The following NOX4 variants were observed in gnomAD, a reference collection of about 807,000 sequenced individuals.
NOX4 encodes the protein kidney oxidase-1.
NOX4 carries 69 observed loss-of-function variants against 87.6 expected under a neutral mutation model. That is an observed-to-expected ratio of 0.79 (90% CI 0.65 to 0.96). The LOEUF is 0.96. Among genes scored for constraint, NOX4 ranks in the 40% least tolerant of loss-of-function variants. NOX4 has a pLI of 0.00. For synonymous variants in NOX4, 275 were observed against 238.2 expected, an observed-to-expected ratio of 1.15 and a Z score of -1.42; for missense variants, 680 against 681.5, an observed-to-expected ratio of 1.00 and a Z score of 0.02.
intron 11 of NOX4, among the ~76,000 whole-genome samples, chr11:89,383,849 C>T (rs369709091): frequency 1.1e-4 from 16 of 152,230 alleles, no homozygotes; most frequent in Admixed American, 4.6e-4. Flanking sequence ...ACATCCTCCC[C>T]TTGTATCTCT....
chr11:89,409,548 C>T (rs1049611410), intron 8 of NOX4, among the ~76,000 whole-genome samples: 4 of 152,132 alleles, frequency 2.6e-5, no homozygotes, highest in Admixed American at 1.3e-4. Flanking sequence ...GTAAATATCA[C>T]ATGACCTCAA....
At chr11:89,565,111 A>T in the NOX4 span, among the ~76,000 whole-genome samples, 1 of 152,154 alleles carries the variant, frequency 6.6e-6, no homozygotes. Context: ...TACATCTTAA[A>T]ATATTGAGTC....
At chr11:89,538,235 C>T in the NOX4 span, among the ~76,000 whole-genome samples, 1 of 152,278 alleles carries the variant, frequency 6.6e-6, no homozygotes, top group South Asian at 2.1e-4. Flanking sequence ...TCACAGCCTA[C>T]ATGTAGTTGT....
At chr11:89,461,647 A>AAAATAAATAAATAAAT (rs60340385) in intron 2 of NOX4, among the ~76,000 whole-genome samples, 11,005 of 145,606 alleles carry the variant, frequency 0.076, 644 homozygotes, top group African/African-American at 0.15. Context: ...TCCATCTCAA[A>AAAATAAATAAATAAAT]AAATAAATAA....
chr11:89,468,227 T>A (rs771964488), intron 2 of NOX4, among the ~76,000 whole-genome samples: 1 of 152,188 alleles, frequency 6.6e-6, no homozygotes, highest in Non-Finnish European at 1.5e-5. Flanking sequence ...TGTGTCTCTG[T>A]AACTTCCACC....
chr11:89,463,944 G>A lies in NOX4; in HGVS notation c.154-12049C>T, dbSNP rs78089295. 6.0e-3 allele frequency among the ~76,000 whole-genome samples: 917 copies of A among 152,072 alleles called. 9 individuals are homozygous for A. Among genetic ancestry groups the A allele is most frequent in the African/African-American group, 0.021 (884 of 41,550 alleles). ...CTCTTTTGATCTGGCATTTGCATAT[G>A]ATAAGAACATTTTAGCTCAAAGGAT... On this transcript the variant is annotated intron_variant, in intron 2 of 17. Coordinates refer to ENST00000263317, the MANE Select transcript of NOX4 (RefSeq NM_016931.5).
intron 12 of NOX4, among the ~76,000 whole-genome samples, chr11:89,364,525 G>A (rs890971963): frequency 6.6e-6 from 1 of 151,870 alleles, no homozygotes; most frequent in East Asian, 1.9e-4. Flanking sequence ...ATAAAAAACA[G>A]AACTTTATAC....
the NOX4 span, among the ~76,000 whole-genome samples, chr11:89,512,300 C>G: frequency 1.3e-5 from 2 of 152,006 alleles, no homozygotes; most frequent in Admixed American, 1.3e-4. Flanking sequence ...TAGGTCTACT[C>G]TCTTAATAAT....
At chr11:89,584,006 T>C in the NOX4 span, among the ~76,000 whole-genome samples, 4 of 152,154 alleles carry the variant, frequency 2.6e-5, no homozygotes, top group African/African-American at 9.7e-5. Context: ...TTTGAAAAAT[T>C]ACCTGACTTT....
chr11:89,452,910 G>A (rs151066142), intron 2 of NOX4, among the ~76,000 whole-genome samples: 1 of 152,124 alleles, frequency 6.6e-6, no homozygotes, highest in African/African-American at 2.4e-5. Flanking sequence ...CAGGCATGGT[G>A]TAATGCACCC....
intron 2 of NOX4, among the ~76,000 whole-genome samples, chr11:89,478,563 T>C (rs1371135597): frequency 6.6e-6 from 1 of 152,176 alleles, no homozygotes; most frequent in Non-Finnish European, 1.5e-5. Context: ...TAGCAGACAC[T>C]TGATTTTATC....
At chr11:89,537,281 T>C in the NOX4 span, among the ~76,000 whole-genome samples, 1 of 152,288 alleles carries the variant, frequency 6.6e-6, no homozygotes, top group Non-Finnish European at 1.5e-5. Flanking sequence ...CTACTGAGTA[T>C]ATTATTTGAT....
chr11:89,492,819 G>A (rs916047246), upstream of NOX4, among the ~76,000 whole-genome samples: 1 of 152,172 alleles, frequency 6.6e-6, no homozygotes, highest in Non-Finnish European at 1.5e-5. Context: ...TTCAATAGAT[G>A]GGGGCAGGAG....
Position 89,326,117 on chromosome 11 carries a change from T to A in NOX4, c.*639A>T, listed in dbSNP as rs550665477. ...AGAGAGAGGAATAAAAAGAAAAAAA[T>A]ATATAAAAATAGATACTATAACAAC... On this transcript the variant is annotated 3_prime_UTR_variant, in exon 18 of 18. Transcript: ENST00000263317. 2.6e-5 allele frequency: 4 copies of A among 151,460 alleles called. No homozygotes were observed. The highest frequency in any genetic ancestry group is 1.9e-4 in the East Asian group (1 of 5,168). 9.4% of individuals were successfully genotyped at this position (151,460 alleles called of 1,614,324 possible). A position where few individuals can be genotyped will look rare whatever the true frequency, so the allele number is the denominator to read the frequency against.
the NOX4 span, among the ~76,000 whole-genome samples, chr11:89,506,602 T>TA: frequency 1.6e-4 from 24 of 151,776 alleles, no homozygotes; most frequent in Non-Finnish European, 3.1e-4. Context: ...TTAAAGTATA[T>TA]AACTTCTGTT....
chr11:89,363,974 T>C (rs113625244), intron 12 of NOX4, among the ~76,000 whole-genome samples: 10 of 152,170 alleles, frequency 6.6e-5, no homozygotes, highest in African/African-American at 2.4e-4. Context: ...TTATTAAAGA[T>C]ATAGGCAGGC....
chr11:89,449,648 G>A, intron 3 of NOX4, 124 bp from the exon 4 acceptor site: 1 of 635,120 alleles, frequency 1.6e-6, no homozygotes, highest in Non-Finnish European at 2.7e-6. Flanking sequence ...ATCAAAAATT[G>A]GTGAGATGAA....
the NOX4 span, among the ~76,000 whole-genome samples, chr11:89,588,827 C>G: frequency 1.3e-5 from 2 of 152,226 alleles, no homozygotes; most frequent in South Asian, 2.1e-4. Flanking sequence ...AGTGCTGTGG[C>G]TCCTACCCAC....
At chr11:89,538,179 C>T in the NOX4 span, among the ~76,000 whole-genome samples, 1 of 152,198 alleles carries the variant, frequency 6.6e-6, no homozygotes. Flanking sequence ...TTCCATTCAT[C>T]TATGTGCCAA....
Sources: gnomAD v4.1 joint callset for allele counts (sites outside exome capture counted in the v4.1 genomes callset) on GRCh38, gnomAD v4.1.1 for gene constraint, MANE v1.5 for transcripts, NCBI Gene and HGNC (gene_info 2026-07-23, HGNC 2026-07-21) for gene names.